FMNL3: variants seen among roughly 807,000 people sequenced by gnomAD.
The protein encoded by FMNL3 is formin-like protein 3.
A neutral mutation model predicts 119.6 loss-of-function variants in FMNL3; 57 were observed. That is an observed-to-expected ratio of 0.48 (90% CI 0.39 to 0.59). FMNL3 has a LOEUF of 0.59. Ranked by LOEUF, FMNL3 falls within the 20% of genes least tolerant of loss-of-function variation. The pLI is 0.00. For missense variants in FMNL3, 1,053 were observed against 1,323.5 expected, an observed-to-expected ratio of 0.80 and a Z score of 3.17; for synonymous variants, 491 against 507.3, an observed-to-expected ratio of 0.97 and a Z score of 0.43.
chr12:49,643,272 C>A lies in FMNL3; in HGVS notation c.*2543G>T, dbSNP rs151181775. ...CTGCCCCCACCATCTCTCCGGCCCC[C>A]CAAGCGGAGGAGGCGGAACCCCTCA... On this transcript the variant is annotated 3_prime_UTR_variant, in exon 26 of 26. Transcript: ENST00000335154. The A allele has an allele frequency of 8.7e-6, 14 of 1,614,078 alleles. No individual in the cohort carries two copies. The highest frequency in any genetic ancestry group is 7.7e-5 in the South Asian group (7 of 91,038).
At chr12:49,694,746 C>T (rs1215802517) in intron 1 of FMNL3, among the ~76,000 whole-genome samples, 4 of 152,046 alleles carry the variant, frequency 2.6e-5, no homozygotes, top group Admixed American at 6.6e-5. Context: ...CCCGCCTCTA[C>T]TAAAAACTAC....
rs1188582876 is a variant in FMNL3, at chr12:49,707,327, G to T, written c.-147C>A. On this transcript the variant is annotated 5_prime_UTR_variant, in exon 1 of 26. Transcript: ENST00000335154. ...CGTCGAGGGCGCCGGGGGTTCCCTG[G>T]AGTCCCGCTGGCGGGGGCGCGCGGC... is the stretch of plus-strand genomic sequence containing the variant. 1.8e-5 allele frequency: 12 copies of T among 672,614 alleles called. No individual in the cohort carries two copies. Among genetic ancestry groups the T allele is most frequent in the Non-Finnish European group, 2.6e-5 (12 of 455,108 alleles). The allele number at this position is 672,614 out of a possible 1,614,324, so 41.7% of individuals were successfully genotyped here.
chr12:49,667,890 C>T (rs1943934871), intron 2 of FMNL3, among the ~76,000 whole-genome samples: 1 of 152,164 alleles, frequency 6.6e-6, no homozygotes, highest in African/African-American at 2.4e-5. Context: ...TTCACAGACT[C>T]GTGACTCATG....
chr12:49,648,420 A>G (rs1943282748), intron 21 of FMNL3, 67 bp from the exon 22 acceptor site: 4 of 1,513,610 alleles, frequency 2.6e-6, no homozygotes, highest in South Asian at 2.6e-5. Flanking sequence ...GCCCAGAGCT[A>G]TATCAAACTC....
chr12:49,663,825 C>G (rs1943808617), intron 4 of FMNL3, among the ~76,000 whole-genome samples: 1 of 152,242 alleles, frequency 6.6e-6, no homozygotes, highest in African/African-American at 2.4e-5. Context: ...CAGATGACTA[C>G]AGCAAGACTT....
rs748780465 is a variant in FMNL3 at position 49,654,264 on chromosome 12, C to T, written c.999G>A (p.Ser333=). 12 of 1,613,920 alleles carry T rather than the reference C, an allele frequency of 7.4e-6. No homozygotes were observed. The highest frequency in any genetic ancestry group is 1.3e-5 in the African/African-American group (1 of 74,876). Residue 333 remains serine (S), a synonymous_variant, in exon 11 of 26, where the codon TCG becomes TCA. Transcript: ENST00000335154. ...GGACCCGGAAGTTCATGTCCTCCAC[C>T]GAGTGCACCACGATGTTGATGAACT... ...CMQFINIVVH[S]VEDMNFRVHL... is the part of the protein sequence containing the mutation.
rs1331739584 is a variant in FMNL3, at chr12:49,651,430, G to A, written c.1624C>T (p.Pro542Ser). The part of the protein sequence containing the change: ...PLPDKCPPAP[P>S]LPGAAPSVVL... ...ACAGAGGGTGCAGCACCAGGGAGAG[G>A]TGGGGCTGGGGGACACTTGTCTGGG... The change falls in exon 15 of 26, where the codon CCT becomes TCT. Residue 542 changes from proline (P) to serine (S), a missense_variant. Pro to Ser is a moderately conservative substitution (Grantham distance 74, BLOSUM62 -1). Transcript: ENST00000335154. 6.7e-7 allele frequency: 1 copy of A among 1,492,166 alleles called. No homozygotes were observed. The highest frequency in any genetic ancestry group is 9.0e-7 in the Non-Finnish European group (1 of 1,116,830). 92.4% of individuals were successfully genotyped at this position (1,492,166 alleles called of 1,614,324 possible). A position where few individuals can be genotyped will look rare whatever the true frequency, so the allele number is the denominator to read the frequency against.
At position 49,638,522 on chromosome 12, in the gene FMNL3, TGGA is replaced by T. The variant is rs1942162592; in HGVS notation, c.*7290_*7292del. 4 of 152,212 alleles carry T rather than the reference TGGA, an allele frequency of 2.6e-5. No homozygotes were observed. The South Asian group carries it at 8.3e-4, about 31-fold the overall frequency. The allele number at this position is 152,212 out of a possible 1,614,324, so 9.4% of individuals were successfully genotyped here. A position where few individuals can be genotyped will look rare whatever the true frequency, so the allele number is the denominator to read the frequency against. ...ACATGGCCTGTTGCTCTTCTTCTAC[TGGA>T]GAAGAGAAATAGTTCTCAATATTTA... is the stretch of plus-strand genomic sequence containing the variant. On this transcript the variant is annotated 3_prime_UTR_variant, in exon 26 of 26. Coordinates refer to ENST00000335154, the MANE Select transcript of FMNL3 (RefSeq NM_175736.5).
intron 1 of FMNL3, among the ~76,000 whole-genome samples, chr12:49,695,363 T>C (rs1944724030): frequency 6.6e-6 from 1 of 152,166 alleles, no homozygotes; most frequent in African/African-American, 2.4e-5. Flanking sequence ...AAGCATCTTT[T>C]AGAAGTTGTT....
chr12:49,703,712 G>A (rs190777773), intron 1 of FMNL3, among the ~76,000 whole-genome samples: 21 of 152,270 alleles, frequency 1.4e-4, no homozygotes, highest in Admixed American at 1.4e-3. Context: ...AGGATTCTTG[G>A]AATCAATGTT....
intron 1 of FMNL3, among the ~76,000 whole-genome samples, chr12:49,679,164 T>C (rs990806009): frequency 6.6e-6 from 1 of 152,116 alleles, no homozygotes; most frequent in African/African-American, 2.4e-5. Flanking sequence ...ACTATCATTA[T>C]CCCTATTTTA....
At position 49,662,019 on chromosome 12, in the gene FMNL3, G is replaced by C. The variant is rs763307841; in HGVS notation, c.399C>G (p.Asn133Lys). 6.8e-6 allele frequency: 11 copies of C among 1,614,138 alleles called. No individual in the cohort carries two copies. Among genetic ancestry groups the C allele is most frequent in the Middle Eastern group, 3.3e-4 (2 of 6,062 alleles). ...AATCCACCAGTACATCCAGGCCTTT[G>C]TTTTCATCATTCAGAAATTCCCGCA... ...GWVREFLNDE[N>K]KGLDVLVDYL... Residue 133 changes from asparagine (N) to lysine (K), a missense_variant, in exon 5 of 26, where the codon AAC becomes AAG. Transcript: ENST00000335154.
chr12:49,677,580 GTT>G (rs1204921936), intron 1 of FMNL3, among the ~76,000 whole-genome samples: 1 of 152,168 alleles, frequency 6.6e-6, no homozygotes, highest in East Asian at 1.9e-4. Flanking sequence ...TGCTACCTAT[GTT>G]TTTTCAGTTT....
In FMNL3 at chr12:49,638,017, T is replaced by C. The variant is rs1213415496; in HGVS notation, c.*7798A>G. On this transcript the variant is annotated 3_prime_UTR_variant, in exon 26 of 26. Coordinates refer to ENST00000335154, the MANE Select transcript of FMNL3 (RefSeq NM_175736.5). ...TCTACCACAGGAGCTCATGGTCTAATAGGAAGATATACATGAGAACTGTTA... is the reference window on the plus strand; with the variant it reads ...TCTACCACAGGAGCTCATGGTCTAACAGGAAGATATACATGAGAACTGTTA... 1.6e-5 allele frequency: 9 copies of C among 578,074 alleles called. No individual in the cohort carries two copies. Among genetic ancestry groups the C allele is most frequent in the Non-Finnish European group, 2.5e-5 (8 of 324,078 alleles). The allele number at this position is 578,074 out of a possible 1,614,324, so 35.8% of individuals were successfully genotyped here.
At chr12:49,688,150 T>A (rs1212353825) in intron 1 of FMNL3, among the ~76,000 whole-genome samples, 2 of 152,214 alleles carry the variant, frequency 1.3e-5, no homozygotes. Context: ...CAGCCTAGCC[T>A]AGCAGAGGCA....
chr12:49,653,577 G>T, intron 12 of FMNL3, 148 bp downstream of exon 12: 1 of 1,173,920 alleles, frequency 8.5e-7, no homozygotes, highest in Non-Finnish European at 1.2e-6. Flanking sequence ...TGATCCAGTG[G>T]CTCAGGCCTG....
At chr12:49,679,329 G>A (rs758425758) in intron 1 of FMNL3, among the ~76,000 whole-genome samples, 1 of 151,988 alleles carries the variant, frequency 6.6e-6, no homozygotes, top group Non-Finnish European at 1.5e-5. Flanking sequence ...AATCGTATTA[G>A]CCCTTCTTTG....
In FMNL3 at chr12:49,649,365, G is replaced by A; in HGVS notation, c.2305-26C>T. ...CTGTCCAAAGAATGTGTGGGAGGCA[G>A]GTCAGGCTCAGGTCCTGAAGGCTCC... is the stretch of plus-strand genomic sequence containing the variant. On this transcript the variant is annotated intron_variant, in intron 19 of 25. Transcript: ENST00000335154. The surrounding 1 kb of genome is among the most constrained non-coding windows in gnomAD (Gnocchi z 5.6). 6.2e-7 allele frequency: 1 copy of A among 1,614,082 alleles called. No individual in the cohort carries two copies. Among genetic ancestry groups the A allele is most frequent in the Non-Finnish European group, 8.5e-7 (1 of 1,179,948 alleles).
In FMNL3 at chr12:49,637,685, C is replaced by T. The variant is rs760430553; in HGVS notation, c.*8130G>A. 1 of 1,475,352 alleles carries T rather than the reference C, an allele frequency of 6.8e-7. No homozygotes were observed. The highest frequency in any genetic ancestry group is 2.3e-5 in the East Asian group (1 of 43,278). The allele number at this position is 1,475,352 out of a possible 1,614,324, so 91.4% of individuals were successfully genotyped here. On this transcript the variant is annotated 3_prime_UTR_variant, in exon 26 of 26. Transcript: ENST00000335154. ...TCCTGTCCTCGGCCCAGCCCCCAGG[C>T]CTTGGGAAGCTGCCGCCCGCCAGGC...
Sources: allele counts gnomAD v4.1 joint callset (sites outside exome capture counted in the v4.1 genomes callset), GRCh38; gene constraint gnomAD v4.1.1; non-coding constraint Gnocchi (gnomAD v3.1); transcripts MANE v1.5; gene names NCBI Gene and HGNC (gene_info 2026-07-23, HGNC 2026-07-21).